The following SUSD5 variants were observed in gnomAD, a reference collection of about 807,000 sequenced individuals.
SUSD5 encodes sushi domain containing 5, also known as sushi domain-containing protein 5.
A neutral mutation model predicts 29.5 loss-of-function variants in SUSD5; 33 were observed. The observed-to-expected ratio is 1.12, with a 90% CI of 0.85 to 1.49. The LOEUF (loss-of-function observed/expected upper bound fraction) is 1.49, where lower values mean the gene tolerates loss of function less well. Ranked by LOEUF, SUSD5 falls within the 40% of genes most tolerant of loss-of-function variation. The pLI is 0.00. For synonymous variants in SUSD5, 308 were observed against 325.3 expected (o/e 0.95, Z 0.57); for missense variants, 776 against 800.6 (o/e 0.97, Z 0.37).
intron 3 of SUSD5, among the ~76,000 whole-genome samples, chr3:33,177,918 T>C (rs1293055495): frequency 1.3e-5 from 2 of 152,256 alleles, no homozygotes; most frequent in Admixed American, 6.5e-5. Context: ...TCATGTTATC[T>C]GCAGACAAAG....
intron 4 of SUSD5, among the ~76,000 whole-genome samples, chr3:33,164,792 C>A (rs796956722): frequency 1.3e-5 from 2 of 152,118 alleles, no homozygotes; most frequent in South Asian, 4.1e-4. Context: ...ATCAGGGAAA[C>A]TCAAATTAAG....
intron 4 of SUSD5, among the ~76,000 whole-genome samples, chr3:33,170,182 G>A (rs981864021): frequency 2.6e-5 from 4 of 152,268 alleles, no homozygotes; most frequent in Non-Finnish European, 4.4e-5. Flanking sequence ...GCCTCCCAAA[G>A]TGCTGGGATT....
intron 4 of SUSD5, among the ~76,000 whole-genome samples, chr3:33,155,573 A>G (rs1459798638): frequency 6.6e-6 from 1 of 152,252 alleles, no homozygotes; most frequent in Non-Finnish European, 1.5e-5. Flanking sequence ...ACTTAACAGT[A>G]ATGTGTGCAT....
At chr3:33,181,636 G>C (rs2031675854) in intron 3 of SUSD5, among the ~76,000 whole-genome samples, 1 of 152,138 alleles carries the variant, frequency 6.6e-6, no homozygotes, top group Non-Finnish European at 1.5e-5. Context: ...GCTTCCCAAA[G>C]TGCTGGGATC....
At chr3:33,183,274 G>A (rs757033199) in intron 3 of SUSD5, among the ~76,000 whole-genome samples, 1 of 151,776 alleles carries the variant, frequency 6.6e-6, no homozygotes, top group Non-Finnish European at 1.5e-5. Context: ...AATTGTTATT[G>A]TTTTCTATTT....
chr3:33,205,502 C>T (rs950336439), intron 3 of SUSD5, among the ~76,000 whole-genome samples: 1 of 152,208 alleles, frequency 6.6e-6, no homozygotes, highest in Non-Finnish European at 1.5e-5. Context: ...ATGTATCATA[C>T]ATATTGAGTT....
chr3:33,202,084 T>TATC lies in SUSD5; in HGVS notation c.409+5721_409+5723dup, dbSNP rs1443396181. Among the ~76,000 whole-genome samples, 723 of 149,954 alleles carry TATC rather than the reference T, an allele frequency of 4.8e-3. 6 individuals are homozygous for TATC. The highest frequency in any genetic ancestry group is 0.018 in the African/African-American group (697 of 39,548). ...TCTGTCTATCTATCTATCTATCATC[T>TATC]ATCTATCATCTATCTGAAGCACCCA... On this transcript the variant is annotated intron_variant, in intron 3 of 4. Coordinates refer to ENST00000309558, the MANE Select transcript of SUSD5 (RefSeq NM_015551.2).
chr3:33,162,545 T>C (rs2031213364), intron 4 of SUSD5, among the ~76,000 whole-genome samples: 2 of 152,128 alleles, frequency 1.3e-5, no homozygotes, highest in Non-Finnish European at 2.9e-5. Context: ...CAAGACTAAT[T>C]AAGAAGAATT....
At chr3:33,159,174 G>T (rs1028699445) in intron 4 of SUSD5, among the ~76,000 whole-genome samples, 15 of 152,234 alleles carry the variant, frequency 9.9e-5, no homozygotes, top group African/African-American at 3.6e-4. Flanking sequence ...AAGCTGGCAG[G>T]CTGTCGGTGT....
intron 2 of SUSD5, among the ~76,000 whole-genome samples, chr3:33,210,227 C>T (rs1249733475): frequency 6.6e-6 from 1 of 152,170 alleles, no homozygotes; most frequent in Non-Finnish European, 1.5e-5. Context: ...TCATCTCAAT[C>T]CGAATTCATG....
chr3:33,196,843 G>C (rs889531961), intron 3 of SUSD5, among the ~76,000 whole-genome samples: 24 of 152,182 alleles, frequency 1.6e-4, no homozygotes, highest in African/African-American at 5.6e-4. Context: ...GTGAAGGTAA[G>C]ATATTCAAGA....
intron 4 of SUSD5, among the ~76,000 whole-genome samples, chr3:33,166,941 G>A (rs747929688): frequency 1.2e-4 from 18 of 152,104 alleles, no homozygotes; most frequent in Non-Finnish European, 2.2e-4. Flanking sequence ...CACTTTGGGA[G>A]GCCGAGGCAA....
At chr3:33,185,355 G>A (rs2031756706) in intron 3 of SUSD5, among the ~76,000 whole-genome samples, 1 of 152,214 alleles carries the variant, frequency 6.6e-6, no homozygotes, top group Non-Finnish European at 1.5e-5. Context: ...TTTCTGTAAG[G>A]ACCTGATAGA....
chr3:33,191,550 T>C (rs1268508559), intron 3 of SUSD5, among the ~76,000 whole-genome samples: 1 of 152,170 alleles, frequency 6.6e-6, no homozygotes, highest in Non-Finnish European at 1.5e-5. Context: ...CTAATATCCT[T>C]AGAATAAAAT....
chr3:33,152,688 T>C lies in SUSD5; in HGVS notation c.*54A>G, dbSNP rs1055123031. 1 of 1,512,406 alleles carries C rather than the reference T, an allele frequency of 6.6e-7. No homozygotes were observed. Among genetic ancestry groups the C allele is most frequent in the Admixed American group, 2.0e-5 (1 of 48,944 alleles). 93.7% of individuals were successfully genotyped at this position (1,512,406 alleles called of 1,614,324 possible). On this transcript the variant is annotated 3_prime_UTR_variant, in exon 5 of 5. Transcript: ENST00000309558. ...TGCTCTAGTGAATTATCGTGTGATG[T>C]GTCACAGTTATTTTCCTCCCAAGTG...
chr3:33,214,663 T>C (rs1433985492), intron 1 of SUSD5, among the ~76,000 whole-genome samples: 2 of 152,320 alleles, frequency 1.3e-5, no homozygotes, highest in Middle Eastern at 3.4e-3. Flanking sequence ...CTGGTACACC[T>C]TGGCTTCCTA....
intron 3 of SUSD5, among the ~76,000 whole-genome samples, chr3:33,199,246 ACG>A (rs1491297190): frequency 2.7e-5 from 4 of 148,912 alleles, no homozygotes; most frequent in Non-Finnish European, 6.0e-5. Flanking sequence ...ACACACACAC[ACG>A]TTTACACATA....
At chr3:33,216,939 G>T (rs773760311) in intron 1 of SUSD5, among the ~76,000 whole-genome samples, 20 of 152,324 alleles carry the variant, frequency 1.3e-4, no homozygotes, top group Non-Finnish European at 2.4e-4. Context: ...CACTGAGGAA[G>T]TGGGGAAAGA....
At chr3:33,216,414 G>A (rs779498439) in intron 1 of SUSD5, among the ~76,000 whole-genome samples, 11 of 152,044 alleles carry the variant, frequency 7.2e-5, no homozygotes, top group African/African-American at 1.4e-4. Context: ...GCCCTCACCC[G>A]CAGAAACCCT....
Sources: gnomAD v4.1 joint callset for allele counts (sites outside exome capture counted in the v4.1 genomes callset) on GRCh38, gnomAD v4.1.1 for gene constraint, MANE v1.5 for transcripts, NCBI Gene and HGNC (gene_info 2026-07-23, HGNC 2026-07-21) for gene names.